Variants in ITGA11 observed in about 807,000 individuals in gnomAD.
ITGA11 encodes integrin alpha-11.
Under a neutral mutation model 141.9 loss-of-function variants are expected in ITGA11, and 97 were observed. The observed-to-expected ratio is 0.68, with a 90% CI of 0.58 to 0.81. The LOEUF (loss-of-function observed/expected upper bound fraction) is 0.81. Among genes scored for constraint, ITGA11 ranks in the 30% least tolerant of loss-of-function variants. The pLI, the probability that ITGA11 is intolerant of heterozygous loss-of-function variation, is 0.00. For missense variants in ITGA11, 1,387 were observed against 1,559.2 expected, an observed-to-expected ratio of 0.89 and a Z score of 1.86; for synonymous variants, 658 against 624.6, an observed-to-expected ratio of 1.05 and a Z score of -0.80.
chr15:68,317,165 T>C lies in ITGA11; in HGVS notation c.2715+100A>G, dbSNP rs1014872640. On this transcript the variant is annotated intron_variant, in intron 21 of 29. Coordinates refer to ENST00000315757, the MANE Select transcript of ITGA11 (RefSeq NM_001004439.2). ...CCTCAGGCCTCCCATCCCTCCCTGG[T>C]CTTCTGTGTTCACTCTTGTTGCTCT... is the stretch of plus-strand genomic sequence containing the variant. 6.1e-5 allele frequency: 50 copies of C among 823,252 alleles called. 1 individual carries two copies. In the South Asian group the frequency reaches 6.7e-4, roughly 11 times the overall value. The allele number at this position is 823,252 out of a possible 1,614,324, so 51.0% of individuals were successfully genotyped here.
At position 68,326,424 on chromosome 15, in the gene ITGA11, A is replaced by G. The variant is rs924852626; in HGVS notation, c.2211+230T>C. On this transcript the variant is annotated intron_variant, in intron 17 of 29. Transcript: ENST00000315757. The surrounding 1 kb of genome is among the most constrained non-coding windows in gnomAD (Gnocchi z 6.8). Reference sequence around the variant, plus strand: ...CACCTTCCTCCCTTCGGCATCTGAGAGTGGCAGGAGAAGAGGTTTTGGAAG... The same window carrying G: ...CACCTTCCTCCCTTCGGCATCTGAGGGTGGCAGGAGAAGAGGTTTTGGAAG... Among the ~76,000 whole-genome samples the G allele has an allele frequency of 6.6e-6, 1 of 151,932 alleles. No individual in the cohort carries two copies. The highest frequency in any genetic ancestry group is 1.5e-5 in the Non-Finnish European group (1 of 67,988).
At chr15:68,341,608 C>T (rs1344808299) in intron 10 of ITGA11, among the ~76,000 whole-genome samples, 1 of 152,222 alleles carries the variant, frequency 6.6e-6, no homozygotes, top group Non-Finnish European at 1.5e-5. Flanking sequence ...CATTTTCCAC[C>T]TGAACCCTCC....
intron 22 of ITGA11, 43 bp downstream of exon 22, chr15:68,315,608 G>T (rs368513920): frequency 2.0e-6 from 3 of 1,538,240 alleles, no homozygotes; most frequent in Non-Finnish European, 2.7e-6. Flanking sequence ...GCTGGGCCCC[G>T]GAATAGCAAG....
rs1208464808 is a variant in ITGA11 at position 68,321,185 on chromosome 15, C to T, written c.2408+233G>A. Among the ~76,000 whole-genome samples, 14 of 136,286 alleles carry T rather than the reference C, an allele frequency of 1.0e-4. No individual in the cohort carries two copies. Among genetic ancestry groups the T allele is most frequent in the African/African-American group, 3.3e-4 (12 of 36,456 alleles). The allele number at this position is 136,286 out of a possible 152,430, so 89.4% of individuals were successfully genotyped here. ...GGTTTCTTTTTTTTTTTTTTTTTAA[C>T]AAAATTTGAAATTAGATTAGACTAG... On this transcript the variant is annotated intron_variant, in intron 19 of 29. Coordinates refer to ENST00000315757, the MANE Select transcript of ITGA11 (RefSeq NM_001004439.2). The surrounding 1 kb of genome is among the most constrained non-coding windows in gnomAD (Gnocchi z 4.9).
chr15:68,418,566 C>A, intron 1 of ITGA11, among the ~76,000 whole-genome samples: 1 of 100,830 alleles, frequency 9.9e-6, no homozygotes, highest in Non-Finnish European at 1.9e-5. Context: ...TTTCTTTACC[C>A]ACCCCCCCAC....
chr15:68,340,610 C>T (rs1894535408), intron 10 of ITGA11, among the ~76,000 whole-genome samples: 1 of 152,078 alleles, frequency 6.6e-6, no homozygotes. Flanking sequence ...CTTGGAAGGT[C>T]TTGTTCTACC....
At chr15:68,385,478 A>G (rs28430608) in intron 2 of ITGA11, among the ~76,000 whole-genome samples, 15,589 of 152,300 alleles carry the variant, frequency 0.1, 1,383 homozygotes, top group African/African-American at 0.24. Context: ...CAGTCAACCC[A>G]AATTCCACCA....
chr15:68,410,486 C>A (rs1041293625), intron 1 of ITGA11, among the ~76,000 whole-genome samples: 3 of 152,130 alleles, frequency 2.0e-5, no homozygotes, highest in Non-Finnish European at 4.4e-5. Context: ...CATAAGCTGG[C>A]CTAGGCAAAA....
Position 68,322,692 on chromosome 15 carries a change from CTT to C in ITGA11, c.2323-1191_2323-1190del, listed in dbSNP as rs892648034. 7.9e-5 allele frequency among the ~76,000 whole-genome samples: 12 copies of C among 152,068 alleles called. No homozygotes were observed. The highest frequency in any genetic ancestry group is 5.2e-4 in the Admixed American group (8 of 15,274). ...GAACAACCAGGCCAACATGGTGAAA[CTT>C]TGTCTCTGCTAAAAAATACAAAAAT... On this transcript the variant is annotated intron_variant, in intron 18 of 29. Transcript: ENST00000315757. The surrounding 1 kb of genome is among the most constrained non-coding windows in gnomAD (Gnocchi z 5.6).
intron 2 of ITGA11, among the ~76,000 whole-genome samples, chr15:68,376,658 G>T (rs1284169787): frequency 6.6e-6 from 1 of 152,234 alleles, no homozygotes; most frequent in Non-Finnish European, 1.5e-5. Context: ...TCCAACATGG[G>T]TTGACCCAAC....
At chr15:68,357,487 T>G (rs890188817) in intron 6 of ITGA11, among the ~76,000 whole-genome samples, 188 bp from the exon 7 acceptor site, 1 of 152,136 alleles carries the variant, frequency 6.6e-6, no homozygotes, top group African/African-American at 2.4e-5. Flanking sequence ...TAGGAATGAA[T>G]GGACAGCTTG....
At chr15:68,346,399 C>T (rs1305905040) in intron 10 of ITGA11, among the ~76,000 whole-genome samples, 3 of 152,164 alleles carry the variant, frequency 2.0e-5, no homozygotes, top group Non-Finnish European at 4.4e-5. Flanking sequence ...ATGTCCTCCT[C>T]TTTTTAGATT....
intron 21 of ITGA11, among the ~76,000 whole-genome samples, chr15:68,316,332 C>T (rs1172673321): frequency 2.0e-5 from 3 of 152,214 alleles, no homozygotes; most frequent in African/African-American, 7.2e-5. Context: ...GGGAAACATG[C>T]GACCCTCCTC....
At chr15:68,309,180 G>A (rs1001731723) in intron 26 of ITGA11, among the ~76,000 whole-genome samples, 9 of 152,248 alleles carry the variant, frequency 5.9e-5, no homozygotes, top group African/African-American at 2.2e-4. Context: ...GGTGGATGTG[G>A]TCCAGTCAAA....
chr15:68,317,577 A>T (rs1335226858), intron 20 of ITGA11, among the ~76,000 whole-genome samples: 3 of 151,916 alleles, frequency 2.0e-5, no homozygotes, highest in Admixed American at 1.3e-4. Flanking sequence ...TTGGCATGAC[A>T]CGGGGCGGGA....
intron 2 of ITGA11, among the ~76,000 whole-genome samples, chr15:68,401,432 A>C (rs1896508057): frequency 6.6e-6 from 1 of 152,214 alleles, no homozygotes; most frequent in Non-Finnish European, 1.5e-5. Context: ...CGTTATTTGA[A>C]ATAGCCCAAA....
At chr15:68,360,043 T>C (rs1010044622) in intron 5 of ITGA11, among the ~76,000 whole-genome samples, 6 of 152,196 alleles carry the variant, frequency 3.9e-5, no homozygotes, top group Admixed American at 3.9e-4. Flanking sequence ...TTGTGTTTAG[T>C]AGAGCATTTT....
chr15:68,405,708 A>G (rs1431272389), intron 1 of ITGA11, among the ~76,000 whole-genome samples: 4 of 150,186 alleles, frequency 2.7e-5, no homozygotes, highest in Non-Finnish European at 4.4e-5. Flanking sequence ...CAGCAGTGTC[A>G]CATGTGCAAT....
At position 68,312,805 on chromosome 15, in the gene ITGA11, C is replaced by T; in HGVS notation, c.2941G>A (p.Gly981Ser). ...ATGCAGCTGAAGGGAGGCCCGATAC[C>T]ATCGTATCTCTCCAGCGAGCTGTTG... The part of the protein sequence containing the change: ...KPNSSLERYD[G>S]IGPPFSCIFR... The change falls in exon 24 of 30, where the codon GGT becomes AGT. Residue 981 changes from glycine to serine, a missense_variant. Transcript: ENST00000315757. The T allele has an allele frequency of 6.2e-7, 1 of 1,613,772 alleles. No individual in the cohort carries two copies. Among genetic ancestry groups the T allele is most frequent in the Non-Finnish European group, 8.5e-7 (1 of 1,179,768 alleles).
Sources: allele counts gnomAD v4.1 joint callset (sites outside exome capture counted in the v4.1 genomes callset), GRCh38; gene constraint gnomAD v4.1.1; non-coding constraint Gnocchi (gnomAD v3.1); transcripts MANE v1.5; gene names NCBI Gene and HGNC (gene_info 2026-07-23, HGNC 2026-07-21).